Variants in PKHD1 observed in about 807,000 individuals in gnomAD.
PKHD1 encodes the protein fibrocystin.
A neutral mutation model predicts 412.0 loss-of-function variants in PKHD1; 291 were observed. The observed-to-expected ratio is 0.71, with a 90% CI of 0.64 to 0.78. The LOEUF (loss-of-function observed/expected upper bound fraction) is 0.78. PKHD1 is among the 30% of genes least tolerant of loss of function. The pLI, the probability that PKHD1 is intolerant of heterozygous loss-of-function variation, is 0.00. For missense variants in PKHD1, 4,825 were observed against 4,950.7 expected (o/e 0.97, Z 0.76); for synonymous variants, 1,777 against 1,821.5 (o/e 0.98, Z 0.62).
chr6:51,961,786 A>G (rs1248691512), intron 35 of PKHD1, among the ~76,000 whole-genome samples: 1 of 152,134 alleles, frequency 6.6e-6, no homozygotes, highest in Non-Finnish European at 1.5e-5. Context: ...ATAAAAGGAC[A>G]TTTGAAAACT....
chr6:51,885,255 A>T (rs1778025820), intron 45 of PKHD1, among the ~76,000 whole-genome samples: 1 of 152,210 alleles, frequency 6.6e-6, no homozygotes, highest in South Asian at 2.1e-4. Context: ...GATAATGAAG[A>T]GTAAATGATT....
At chr6:51,818,728 T>G (rs1471389096) in intron 52 of PKHD1, among the ~76,000 whole-genome samples, 1 of 152,192 alleles carries the variant, frequency 6.6e-6, no homozygotes, top group African/African-American at 2.4e-5. Context: ...TTTACACTAT[T>G]AAGATGTAAA....
chr6:51,814,874 T>C (rs994772163), intron 52 of PKHD1, among the ~76,000 whole-genome samples: 2 of 152,148 alleles, frequency 1.3e-5, no homozygotes, highest in Non-Finnish European at 2.9e-5. Flanking sequence ...CCTTGCATCT[T>C]CTTACCTGCA....
chr6:52,032,132 T>C (rs1050685964), intron 29 of PKHD1, among the ~76,000 whole-genome samples: 1 of 152,202 alleles, frequency 6.6e-6, no homozygotes, highest in Non-Finnish European at 1.5e-5. Context: ...AGCTGAATAA[T>C]ATTGGAAGCT....
intron 20 of PKHD1, 141 bp from the exon 21 acceptor site, chr6:52,053,392 T>TG: frequency 1.2e-6 from 1 of 803,032 alleles, no homozygotes; most frequent in Non-Finnish European, 2.1e-6. Context: ...ACCCAAGCAG[T>TG]CCTGGGTGCC....
intron 35 of PKHD1, among the ~76,000 whole-genome samples, chr6:51,996,169 CT>C (rs11392839): frequency 0.026 from 2,599 of 98,890 alleles, 23 homozygotes; most frequent in South Asian, 0.043. Context: ...CGACGCCTGG[CT>C]TTTTTTTTTT....
chr6:51,824,971 AAAAAT>A (rs1277684427), intron 52 of PKHD1, among the ~76,000 whole-genome samples: 1 of 152,170 alleles, frequency 6.6e-6, no homozygotes, highest in African/African-American at 2.4e-5. Flanking sequence ...CATTATAGGT[AAAAAT>A]AAAATAAAAT....
At chr6:51,733,196 G>A (rs1246138742) in intron 60 of PKHD1, among the ~76,000 whole-genome samples, 4 of 152,048 alleles carry the variant, frequency 2.6e-5, no homozygotes, top group African/African-American at 4.8e-5. Flanking sequence ...GGTAGTGATG[G>A]TTGCACAATA....
At chr6:52,063,759 A>G (rs1322754723) in intron 13 of PKHD1, among the ~76,000 whole-genome samples, 2 of 152,172 alleles carry the variant, frequency 1.3e-5, no homozygotes, top group African/African-American at 2.4e-5. Flanking sequence ...GTTTCTACAC[A>G]TTGCTACGTG....
intron 60 of PKHD1, among the ~76,000 whole-genome samples, chr6:51,684,203 T>C (rs538384766): frequency 6.6e-6 from 1 of 152,230 alleles, no homozygotes; most frequent in African/African-American, 2.4e-5. Flanking sequence ...CTTGAAGGAC[T>C]GTGAGATAAC....
intron 60 of PKHD1, among the ~76,000 whole-genome samples, chr6:51,710,266 C>G (rs1206802183): frequency 6.6e-6 from 1 of 152,142 alleles, no homozygotes; most frequent in South Asian, 2.1e-4. Flanking sequence ...GTTTGGGAAT[C>G]TTCTGGCTCA....
chr6:51,986,937 C>T (rs1219842010), intron 35 of PKHD1, among the ~76,000 whole-genome samples: 1 of 152,202 alleles, frequency 6.6e-6, no homozygotes, highest in Non-Finnish European at 1.5e-5. Flanking sequence ...CTGGCACACA[C>T]ATAATCTAGC....
In PKHD1 at chr6:52,020,258, C is replaced by T. The variant is rs1046573915; in HGVS notation, c.5380+2543G>A. Among the ~76,000 whole-genome samples the T allele has an allele frequency of 4.3e-4, 65 of 152,234 alleles. 1 individual carries two copies. Among genetic ancestry groups the T allele is most frequent in the African/African-American group, 1.5e-3 (61 of 41,524 alleles). ...GCTGTGCACAGCCATGGTAGAAATG[C>T]GTGCGTGCACACACACACCCCTTGG... On this transcript the variant is annotated intron_variant, in intron 33 of 66. Coordinates refer to ENST00000371117, the MANE Select transcript of PKHD1 (RefSeq NM_138694.4).
At chr6:51,771,193 G>T (rs1337603694) in intron 55 of PKHD1, among the ~76,000 whole-genome samples, 1 of 109,938 alleles carries the variant, frequency 9.1e-6, no homozygotes, top group Non-Finnish European at 2.0e-5. Context: ...CATATAACAG[G>T]TAGGATACAC....
intron 60 of PKHD1, among the ~76,000 whole-genome samples, chr6:51,693,750 A>C (rs1422938458): frequency 4.6e-5 from 7 of 152,152 alleles, no homozygotes; most frequent in Non-Finnish European, 1.0e-4. Context: ...CAATAATAAT[A>C]CCAGATGACA....
intron 46 of PKHD1, among the ~76,000 whole-genome samples, chr6:51,881,218 G>A (rs1490140318): frequency 4.6e-5 from 7 of 151,312 alleles, no homozygotes; most frequent in Non-Finnish European, 1.0e-4. Flanking sequence ...ATTTCTCAGA[G>A]CCTTTAGTGT....
At chr6:51,670,349 A>G (rs1263497304) in intron 60 of PKHD1, among the ~76,000 whole-genome samples, 12 of 152,028 alleles carry the variant, frequency 7.9e-5, no homozygotes, top group Admixed American at 2.6e-4. Context: ...AGTCTGTTTT[A>G]TCAGAGACTA....
intron 35 of PKHD1, among the ~76,000 whole-genome samples, chr6:51,971,473 A>G (rs1282553251): frequency 6.6e-6 from 1 of 152,148 alleles, no homozygotes; most frequent in East Asian, 1.9e-4. Flanking sequence ...GAATTTTTCA[A>G]TTTATGATGC....
chr6:51,995,191 C>G (rs1006853036), intron 35 of PKHD1, among the ~76,000 whole-genome samples: 3 of 152,188 alleles, frequency 2.0e-5, no homozygotes, highest in Admixed American at 6.5e-5. Flanking sequence ...TCCAAGAGAA[C>G]AGCAGCTACA....
Sources: gnomAD v4.1 joint callset for allele counts (sites outside exome capture counted in the v4.1 genomes callset) on GRCh38, gnomAD v4.1.1 for gene constraint, MANE v1.5 for transcripts, NCBI Gene and HGNC (gene_info 2026-07-23, HGNC 2026-07-21) for gene names.